The following FAM227A variants were observed in gnomAD, a reference collection of about 807,000 sequenced individuals.
The protein encoded by FAM227A is family with sequence similarity 227 member A, also known as protein FAM227A.
In FAM227A, 80 loss-of-function variants were observed where a neutral mutation model predicts 74.7. That is an observed-to-expected ratio of 1.07 (90% CI 0.89 to 1.29). FAM227A has a LOEUF of 1.29. Among genes scored for constraint, FAM227A ranks in the 50% most tolerant of loss-of-function variants. FAM227A has a pLI of 0.00. For missense variants in FAM227A, 654 were observed against 683.4 expected, an observed-to-expected ratio of 0.96 and a Z score of 0.48; for synonymous variants, 237 against 241.8, an observed-to-expected ratio of 0.98 and a Z score of 0.19.
intron 8 of FAM227A, among the ~76,000 whole-genome samples, chr22:38,626,892 ATATATATAT>A (rs1164789790): frequency 7.1e-4 from 42 of 59,204 alleles, no homozygotes; most frequent in African/African-American, 3.9e-3. Context: ...AAAAAAAAAA[ATATATATAT>A]ATATATATAT....
At chr22:38,593,271 G>A (rs1195088157) in intron 15 of FAM227A, among the ~76,000 whole-genome samples, 2 of 152,252 alleles carry the variant, frequency 1.3e-5, no homozygotes, top group African/African-American at 4.8e-5. Flanking sequence ...TCGGGAGGCT[G>A]AGGCAGGCAG....
At chr22:38,610,392 T>G (rs1483619534) in intron 11 of FAM227A, among the ~76,000 whole-genome samples, 1 of 151,782 alleles carries the variant, frequency 6.6e-6, no homozygotes, top group African/African-American at 2.4e-5. Context: ...AATGCGGGGG[T>G]ATTCGCTTGG....
chr22:38,613,239 A>T (rs5757178), intron 11 of FAM227A, among the ~76,000 whole-genome samples: 21 of 34,450 alleles, frequency 6.1e-4, no homozygotes, highest in Middle Eastern at 0.015. Flanking sequence ...TATATATATA[A>T]TATATAATAT....
At chr22:38,646,678 TCTCA>T (rs1447777895) in intron 2 of FAM227A, among the ~76,000 whole-genome samples, 3 of 151,358 alleles carry the variant, frequency 2.0e-5, no homozygotes, top group Non-Finnish European at 2.9e-5. Flanking sequence ...TGAGATGGAG[TCTCA>T]CTCGCCCGGC....
chr22:38,628,762 C>T, intron 7 of FAM227A, 72 bp downstream of exon 7: 1 of 951,772 alleles, frequency 1.1e-6, no homozygotes, highest in Middle Eastern at 2.1e-4. Flanking sequence ...TAGCTCATGT[C>T]AAAGAGAATG....
At chr22:38,592,317 C>A (rs905829328) in intron 15 of FAM227A, among the ~76,000 whole-genome samples, 2 of 152,098 alleles carry the variant, frequency 1.3e-5, no homozygotes, top group African/African-American at 4.8e-5. Context: ...CAAACTTCCT[C>A]TTGACAAAAA....
chr22:38,596,178 G>C (rs149804658), intron 15 of FAM227A, among the ~76,000 whole-genome samples: 1 of 151,986 alleles, frequency 6.6e-6, no homozygotes, highest in Non-Finnish European at 1.5e-5. Context: ...AAAATTAGCC[G>C]GGCATGGTGG....
chr22:38,600,848 A>G (rs545463994), intron 13 of FAM227A, among the ~76,000 whole-genome samples: 1 of 151,634 alleles, frequency 6.6e-6, no homozygotes, highest in East Asian at 2.0e-4. Context: ...GCTACTCAGG[A>G]GGCTGAGGCA....
chr22:38,645,490 T>C (rs933814816), intron 3 of FAM227A, 73 bp downstream of exon 3: 12 of 953,810 alleles, frequency 1.3e-5, no homozygotes, highest in Middle Eastern at 2.2e-4. Context: ...CCCAGGGCAC[T>C]GCAACACCTT....
chr22:38,589,134 A>G (rs1443964895), intron 16 of FAM227A, among the ~76,000 whole-genome samples: 6 of 152,178 alleles, frequency 3.9e-5, no homozygotes, highest in African/African-American at 1.4e-4. Context: ...TTAGAAGAAT[A>G]GATGCAGACA....
chr22:38,596,648 GCCTGATGGACAGTTCAGTGTACTAT>G lies in FAM227A; in HGVS notation c.1532+531_1532+555del, dbSNP rs1347120469. On this transcript the variant is annotated intron_variant, in intron 15 of 16. Transcript: ENST00000535113. ...GGCAAAATGTGAATACTTGGCAAAT[GCCTGATGGACAGTTCAGTGTACTAT>G]CCTGATGGACAGTTCAGTGTACTAT... Among the ~76,000 whole-genome samples, 355 of 152,126 alleles carry G rather than the reference GCCTGATGGACAGTTCAGTGTACTAT, an allele frequency of 2.3e-3. 3 individuals are homozygous for G. Among genetic ancestry groups the G allele is most frequent in the Middle Eastern group, 0.017 (5 of 294 alleles).
intron 3 of FAM227A, among the ~76,000 whole-genome samples, chr22:38,644,976 C>G (rs1281295270): frequency 6.6e-6 from 1 of 152,090 alleles, no homozygotes; most frequent in Non-Finnish European, 1.5e-5. Context: ...GTAGTCCCAG[C>G]TACTCGGGAG....
intron 13 of FAM227A, among the ~76,000 whole-genome samples, chr22:38,603,167 C>A (rs932699831): frequency 1.3e-5 from 2 of 152,132 alleles, no homozygotes; most frequent in African/African-American, 4.8e-5. Flanking sequence ...AGCCACCATA[C>A]CCAGCCAACT....
rs951567379 is a variant in FAM227A, at chr22:38,581,341, T to C, written c.*4784A>G. 3 of 152,170 alleles carry C rather than the reference T, an allele frequency of 2.0e-5. No homozygotes were observed. Among genetic ancestry groups the C allele is most frequent in the Non-Finnish European group, 4.4e-5 (3 of 68,022 alleles). The allele number at this position is 152,170 out of a possible 1,614,324, so 9.4% of individuals were successfully genotyped here. A position where few individuals can be genotyped will look rare whatever the true frequency, so the allele number is the denominator to read the frequency against. On this transcript the variant is annotated 3_prime_UTR_variant, in exon 17 of 17. Coordinates refer to ENST00000535113, the MANE Select transcript of FAM227A (RefSeq NM_001013647.2). ...GATCATTTCTTCAAGGATCCCTAGA[T>C]CCTTTTAGGGCAAATAGTATTTCAA... is the stretch of plus-strand genomic sequence containing the variant.
At chr22:38,609,909 C>G (rs1173645475) in intron 11 of FAM227A, among the ~76,000 whole-genome samples, 1 of 152,002 alleles carries the variant, frequency 6.6e-6, no homozygotes, top group East Asian at 1.9e-4. Flanking sequence ...GTAGCTGGGA[C>G]TACGGGCGCC....
At chr22:38,628,711 A>G (rs1265309995) in intron 7 of FAM227A, 123 bp downstream of exon 7, 1 of 693,578 alleles carries the variant, frequency 1.4e-6, no homozygotes, top group Non-Finnish European at 2.6e-6. Context: ...ACTGGGTGAC[A>G]GGGGAGGCTG....
At chr22:38,600,467 G>A (rs1336746715) in intron 13 of FAM227A, among the ~76,000 whole-genome samples, 3 of 151,684 alleles carry the variant, frequency 2.0e-5, no homozygotes, top group Non-Finnish European at 2.9e-5. Context: ...CCGAGTAGCT[G>A]GGATTACAGG....
chr22:38,636,147 T>C (rs564364127), intron 6 of FAM227A, among the ~76,000 whole-genome samples: 1 of 152,256 alleles, frequency 6.6e-6, no homozygotes, highest in African/African-American at 2.4e-5. Context: ...CATACTCATA[T>C]GCATTGTAGT....
chr22:38,620,018 G>A (rs747369107), intron 11 of FAM227A, among the ~76,000 whole-genome samples, 194 bp downstream of exon 11: 5 of 152,120 alleles, frequency 3.3e-5, no homozygotes, highest in Non-Finnish European at 7.4e-5. Flanking sequence ...ATGCCCCTTA[G>A]TATGCCACTT....
Sources: allele counts gnomAD v4.1 joint callset (sites outside exome capture counted in the v4.1 genomes callset), GRCh38; gene constraint gnomAD v4.1.1; transcripts MANE v1.5; gene names NCBI Gene and HGNC (gene_info 2026-07-23, HGNC 2026-07-21).